The following MRPL1 variants were observed in gnomAD, a reference collection of about 807,000 sequenced individuals.
MRPL1 encodes mitochondrial ribosomal protein L1.
A neutral mutation model predicts 38.0 loss-of-function variants in MRPL1; 28 were observed. The ratio of observed to expected loss-of-function variants is 0.74; its 90% CI spans 0.55 to 1.01. The LOEUF is 1.01. Ranked by LOEUF, MRPL1 falls within the 50% of genes least tolerant of loss-of-function variation. The pLI, the probability that MRPL1 is intolerant of heterozygous loss-of-function variation, is 0.00. For missense variants in MRPL1, 358 were observed against 389.8 expected (o/e 0.92, Z 0.69); for synonymous variants, 123 against 126.7 (o/e 0.97, Z 0.20).
At chr4:77,867,713 T>C (rs1208470821) in intron 1 of MRPL1, among the ~76,000 whole-genome samples, 3 of 150,874 alleles carry the variant, frequency 2.0e-5, no homozygotes, top group Non-Finnish European at 4.4e-5. Context: ...ATTACATGCG[T>C]GAACCACTAC....
At chr4:77,929,232 C>G (rs1348057614) in intron 7 of MRPL1, among the ~76,000 whole-genome samples, 1 of 152,020 alleles carries the variant, frequency 6.6e-6, no homozygotes, top group Non-Finnish European at 1.5e-5. Context: ...CAAGATCATT[C>G]TGGGCAACAT....
chr4:77,876,464 T>C (rs926785319), intron 2 of MRPL1, among the ~76,000 whole-genome samples: 1 of 152,236 alleles, frequency 6.6e-6, no homozygotes, highest in African/African-American at 2.4e-5. Flanking sequence ...TATTCCAGTA[T>C]GGTTTTAAAT....
chr4:77,877,754 T>C (rs1051998013), intron 2 of MRPL1, among the ~76,000 whole-genome samples: 2 of 151,962 alleles, frequency 1.3e-5, no homozygotes, highest in Non-Finnish European at 2.9e-5. Context: ...CTTCCCTAGC[T>C]GGATTGGTAC....
At chr4:77,867,034 C>A (rs1735163470) in intron 1 of MRPL1, among the ~76,000 whole-genome samples, 1 of 152,068 alleles carries the variant, frequency 6.6e-6, no homozygotes, top group African/African-American at 2.4e-5. Flanking sequence ...GCATGAGCCA[C>A]CATGCCTGGC....
chr4:77,935,298 A>G (rs1480112734), intron 7 of MRPL1, among the ~76,000 whole-genome samples: 4 of 152,128 alleles, frequency 2.6e-5, no homozygotes, highest in Non-Finnish European at 4.4e-5. Flanking sequence ...CTTAAAAAAT[A>G]TATAAACATA....
At position 77,896,771 on chromosome 4, in the gene MRPL1, A is replaced by G. The variant is rs368250513; in HGVS notation, c.670+2521A>G. On this transcript the variant is annotated intron_variant, in intron 6 of 8. Transcript: ENST00000315567. Reference sequence around the variant, plus strand: ...GCAGCTTGTTTAATGCTGCAGTTTTATTCGTTTTATTTTAATTGCTTACAT... The same window carrying G: ...GCAGCTTGTTTAATGCTGCAGTTTTGTTCGTTTTATTTTAATTGCTTACAT... Among the ~76,000 whole-genome samples the G allele has an allele frequency of 9.9e-5, 15 of 152,104 alleles. No homozygotes were observed. In the East Asian group the frequency reaches 2.7e-3, roughly 27 times the overall value.
At chr4:77,938,904 C>T (rs890231918) in intron 7 of MRPL1, among the ~76,000 whole-genome samples, 7 of 152,166 alleles carry the variant, frequency 4.6e-5, no homozygotes, top group Non-Finnish European at 8.8e-5. Flanking sequence ...CCTCATGGTC[C>T]CCTGATCCAC....
At chr4:77,886,096 AT>A (rs923616783) in intron 4 of MRPL1, among the ~76,000 whole-genome samples, 13 of 151,872 alleles carry the variant, frequency 8.6e-5, no homozygotes, top group Middle Eastern at 3.4e-3. Context: ...TGTGTTTATG[AT>A]TTTTTTTTAA....
chr4:77,925,522 T>C (rs569589315), intron 7 of MRPL1, among the ~76,000 whole-genome samples: 1 of 152,134 alleles, frequency 6.6e-6, no homozygotes, highest in African/African-American at 2.4e-5. Context: ...CTTTTCTTTT[T>C]AAGAACAGTT....
chr4:77,939,158 C>G (rs993246600), intron 7 of MRPL1, among the ~76,000 whole-genome samples: 1 of 152,132 alleles, frequency 6.6e-6, no homozygotes, highest in African/African-American at 2.4e-5. Context: ...TGAGTGAGAA[C>G]ATACGATGTT....
chr4:77,894,501 C>T (rs768911838), intron 6 of MRPL1, among the ~76,000 whole-genome samples: 1 of 151,964 alleles, frequency 6.6e-6, no homozygotes, highest in Non-Finnish European at 1.5e-5. Context: ...GTCTAGCTCC[C>T]AATTAGTGGA....
intron 2 of MRPL1, among the ~76,000 whole-genome samples, chr4:77,882,062 G>A (rs1408816702): frequency 6.6e-6 from 1 of 152,098 alleles, no homozygotes; most frequent in Non-Finnish European, 1.5e-5. Flanking sequence ...AAACTTTGGC[G>A]AGTCAGCCAA....
At chr4:77,934,403 A>C (rs951165466) in intron 7 of MRPL1, among the ~76,000 whole-genome samples, 6 of 152,208 alleles carry the variant, frequency 3.9e-5, no homozygotes, top group South Asian at 2.1e-4. Flanking sequence ...CTAAATACAT[A>C]TCTCTCCAAA....
At chr4:77,869,502 T>G (rs573083774) in intron 1 of MRPL1, among the ~76,000 whole-genome samples, 39 of 152,174 alleles carry the variant, frequency 2.6e-4, no homozygotes, top group Non-Finnish European at 4.4e-4. Flanking sequence ...TGGTCTGTAG[T>G]GTTTGATTTC....
intron 6 of MRPL1, among the ~76,000 whole-genome samples, chr4:77,903,224 A>G (rs933876929): frequency 6.6e-6 from 1 of 152,082 alleles, no homozygotes; most frequent in Non-Finnish European, 1.5e-5. Context: ...ACATCAATAT[A>G]ATACACCATG....
chr4:77,885,793 C>CA (rs1192243064), intron 4 of MRPL1, among the ~76,000 whole-genome samples: 1 of 152,084 alleles, frequency 6.6e-6, no homozygotes, highest in African/African-American at 2.4e-5. Flanking sequence ...ATTTGGAGCT[C>CA]AAAACATTTA....
intron 7 of MRPL1, among the ~76,000 whole-genome samples, chr4:77,935,061 A>G (rs1736933375): frequency 6.6e-6 from 1 of 152,146 alleles, no homozygotes; most frequent in African/African-American, 2.4e-5. Flanking sequence ...AATGGGTTAT[A>G]TACTGTTATT....
intron 6 of MRPL1, among the ~76,000 whole-genome samples, chr4:77,902,006 T>C (rs1736046273): frequency 6.6e-6 from 1 of 152,232 alleles, no homozygotes; most frequent in Non-Finnish European, 1.5e-5. Flanking sequence ...GACACACGTA[T>C]GTGTTCTGAT....
Position 77,952,647 on chromosome 4 carries a change from G to A in MRPL1, c.*40G>A. 3.9e-6 allele frequency: 5 copies of A among 1,290,576 alleles called. No individual in the cohort carries two copies. Among genetic ancestry groups the A allele is most frequent in the Non-Finnish European group, 4.5e-6 (4 of 896,478 alleles). The allele number at this position is 1,290,576 out of a possible 1,614,324, so 79.9% of individuals were successfully genotyped here. A position where few individuals can be genotyped will look rare whatever the true frequency, so the allele number is the denominator to read the frequency against. ...GAAATTACTTTCAGTGGTTTAAGAA[G>A]CAATGGAGAAAATGATAATACAGCA... is the stretch of plus-strand genomic sequence containing the variant. On this transcript the variant is annotated 3_prime_UTR_variant, in exon 9 of 9. Transcript: ENST00000315567.
Sources: gnomAD v4.1 joint callset for allele counts (sites outside exome capture counted in the v4.1 genomes callset) on GRCh38, gnomAD v4.1.1 for gene constraint, MANE v1.5 for transcripts, NCBI Gene and HGNC (gene_info 2026-07-23, HGNC 2026-07-21) for gene names.